PPP1R9A: variants seen among roughly 807,000 people sequenced by gnomAD.
PPP1R9A encodes neurabin-1.
PPP1R9A carries 59 observed loss-of-function variants against 141.9 expected under a neutral mutation model. The ratio of observed to expected loss-of-function variants is 0.42; its 90% CI spans 0.34 to 0.52. The LOEUF is 0.52. Ranked by LOEUF, PPP1R9A falls within the 20% of genes least tolerant of loss-of-function variation. The probability of loss-of-function intolerance (pLI) is 0.10; values close to 1 mark genes in which losing one functional copy is unlikely to be tolerated. For missense variants in PPP1R9A, 1,444 were observed against 1,611.9 expected, an observed-to-expected ratio of 0.90 and a Z score of 1.78; for synonymous variants, 500 against 569.7, an observed-to-expected ratio of 0.88 and a Z score of 1.74.
chr7:94,987,551 TATTTAAA>T (rs1485530000), intron 2 of PPP1R9A, among the ~76,000 whole-genome samples: 1 of 151,234 alleles, frequency 6.6e-6, no homozygotes, highest in Non-Finnish European at 1.5e-5. Context: ...TCTGTAGCGT[TATTTAAA>T]CTAGTGAACA....
intron 2 of PPP1R9A, among the ~76,000 whole-genome samples, chr7:95,068,852 C>G (rs1307321968): frequency 6.6e-6 from 1 of 152,146 alleles, no homozygotes. Flanking sequence ...ATGAGTTCAC[C>G]TTGCCCACTG....
intron 7 of PPP1R9A, among the ~76,000 whole-genome samples, chr7:95,209,258 T>C (rs1791569149): frequency 6.6e-6 from 1 of 152,216 alleles, no homozygotes; most frequent in Non-Finnish European, 1.5e-5. Flanking sequence ...GAATATGACA[T>C]AGTTCCTGCT....
chr7:94,916,239 G>A (rs1248012861), intron 2 of PPP1R9A, among the ~76,000 whole-genome samples: 1 of 151,996 alleles, frequency 6.6e-6, no homozygotes, highest in African/African-American at 2.4e-5. Context: ...CATTAGTTTT[G>A]TTTACCTCTA....
At chr7:95,238,947 T>C (rs2152983165) in intron 8 of PPP1R9A, among the ~76,000 whole-genome samples, 1 of 152,314 alleles carries the variant, frequency 6.6e-6, no homozygotes, top group African/African-American at 2.4e-5. Context: ...TACTTTCATT[T>C]TCTCTTTGAC....
chr7:95,208,184 A>C (rs1791243858), intron 7 of PPP1R9A, among the ~76,000 whole-genome samples: 1 of 152,180 alleles, frequency 6.6e-6, no homozygotes, highest in Non-Finnish European at 1.5e-5. Context: ...AGAATGGGCA[A>C]GTTGGTCAGG....
At chr7:95,251,735 A>G in intron 10 of PPP1R9A, 27 bp from the exon 11 acceptor site, 1 of 1,587,326 alleles carries the variant, frequency 6.3e-7, no homozygotes, top group Non-Finnish European at 8.6e-7. Flanking sequence ...TGTATGATAT[A>G]ATCAGAACTA....
intron 7 of PPP1R9A, among the ~76,000 whole-genome samples, chr7:95,225,674 T>C (rs1795041400): frequency 6.6e-6 from 1 of 152,146 alleles, no homozygotes; most frequent in African/African-American, 2.4e-5. Context: ...TTTGGTAAAA[T>C]AATCAAATAC....
chr7:95,112,331 C>T (rs1235099450), intron 3 of PPP1R9A, among the ~76,000 whole-genome samples: 1 of 152,092 alleles, frequency 6.6e-6, no homozygotes, highest in Non-Finnish European at 1.5e-5. Context: ...CACTAATCAT[C>T]AGAGAAATGG....
At chr7:95,289,349 G>T (rs751678362) in intron 19 of PPP1R9A, among the ~76,000 whole-genome samples, 33 of 152,192 alleles carry the variant, frequency 2.2e-4, no homozygotes, top group Non-Finnish European at 4.3e-4. Context: ...GGGCTGACGG[G>T]CAGACGAGTA....
chr7:95,025,995 T>C lies in PPP1R9A; in HGVS notation c.1396-85264T>C, dbSNP rs140393578. ...TTCCTCTGTCCTTTTATCAAGGTTC[T>C]TAGCTTCCTTGCATTGGGTTAGAAC... is the stretch of plus-strand genomic sequence containing the variant. On this transcript the variant is annotated intron_variant, in intron 2 of 19. Coordinates refer to ENST00000433360, the MANE Select transcript of PPP1R9A (RefSeq NM_001166160.2). Among the ~76,000 whole-genome samples the C allele has an allele frequency of 6.5e-3, 989 of 152,310 alleles. 13 individuals carry two copies. The highest frequency in any genetic ancestry group is 0.023 in the African/African-American group (944 of 41,558).
intron 2 of PPP1R9A, among the ~76,000 whole-genome samples, chr7:95,017,241 A>G (rs2151680270): frequency 6.6e-6 from 1 of 152,310 alleles, no homozygotes; most frequent in East Asian, 1.9e-4. Context: ...ACTCTCTGGG[A>G]AACTGAAATA....
At chr7:95,041,609 T>A (rs1297280431) in intron 2 of PPP1R9A, among the ~76,000 whole-genome samples, 2 of 152,152 alleles carry the variant, frequency 1.3e-5, no homozygotes, top group African/African-American at 4.8e-5. Flanking sequence ...TTAATGTTCC[T>A]ATTGCAAAGG....
chr7:95,162,028 T>C, intron 5 of PPP1R9A, 57 bp downstream of exon 5: 1 of 1,126,660 alleles, frequency 8.9e-7, no homozygotes, highest in Non-Finnish European at 1.3e-6. Context: ...ATTTTAATTT[T>C]CTATAGTTTA....
rs1346860211 is a variant in PPP1R9A at position 94,961,224 on chromosome 7, T to C, written c.1395+49716T>C. On this transcript the variant is annotated intron_variant, in intron 2 of 19. Coordinates refer to ENST00000433360, the MANE Select transcript of PPP1R9A (RefSeq NM_001166160.2). ...AAAACTTATAAATAAATGACACATT[T>C]GCCTTAAAAGGGAAACTTGAACCTT... Among the ~76,000 whole-genome samples the C allele has an allele frequency of 2.0e-5, 3 of 151,700 alleles. No individual in the cohort carries two copies. The East Asian group carries it at 5.8e-4, about 29-fold the overall frequency.
intron 9 of PPP1R9A, among the ~76,000 whole-genome samples, chr7:95,249,301 T>C (rs528999784): frequency 9.2e-5 from 14 of 152,272 alleles, no homozygotes; most frequent in African/African-American, 3.4e-4. Context: ...ACATGTAAAA[T>C]AATGAGCTAT....
intron 2 of PPP1R9A, among the ~76,000 whole-genome samples, chr7:94,975,429 A>T (rs1799345128): frequency 7.3e-6 from 1 of 136,520 alleles, no homozygotes; most frequent in Non-Finnish European, 1.5e-5. Context: ...ACTGCATCTG[A>T]GTGGAAGAGG....
intron 2 of PPP1R9A, among the ~76,000 whole-genome samples, chr7:95,087,485 G>A (rs1416835836): frequency 2.0e-5 from 3 of 152,012 alleles, no homozygotes; most frequent in African/African-American, 2.4e-5. Context: ...GGTCATGGGC[G>A]TAATGCTTGA....
chr7:94,938,879 G>C (rs1795042485), intron 2 of PPP1R9A, among the ~76,000 whole-genome samples: 1 of 152,164 alleles, frequency 6.6e-6, no homozygotes, highest in South Asian at 2.1e-4. Context: ...AGTTCTTGCA[G>C]TATTTTCTCA....
chr7:94,974,141 A>G (rs1219266357), intron 2 of PPP1R9A, among the ~76,000 whole-genome samples: 1 of 152,200 alleles, frequency 6.6e-6, no homozygotes, highest in Non-Finnish European at 1.5e-5. Context: ...GATGAACTGC[A>G]TGAGTTAAGG....
Sources: allele counts gnomAD v4.1 joint callset (sites outside exome capture counted in the v4.1 genomes callset), GRCh38; gene constraint gnomAD v4.1.1; transcripts MANE v1.5; gene names NCBI Gene and HGNC (gene_info 2026-07-23, HGNC 2026-07-21).